Variants in TNKS observed in about 807,000 individuals in gnomAD.
TNKS encodes tankyrase.
A neutral mutation model predicts 135.8 loss-of-function variants in TNKS; 72 were observed. The observed-to-expected ratio is 0.53, with a 90% confidence interval of 0.44 to 0.64. The LOEUF (loss-of-function observed/expected upper bound fraction) is 0.64, where lower values mean the gene tolerates loss of function less well. Ranked by LOEUF, TNKS falls within the 30% of genes least tolerant of loss-of-function variation. The pLI is 0.00. For synonymous variants in TNKS, 849 were observed against 649.3 expected (o/e 1.31, Z -4.68); for missense variants, 1,769 against 1,674.0 (o/e 1.06, Z -0.99).
chr8:9,574,493 C>T (rs1253164690), intron 1 of TNKS, among the ~76,000 whole-genome samples: 1 of 152,190 alleles, frequency 6.6e-6, no homozygotes, highest in Non-Finnish European at 1.5e-5. Flanking sequence ...TCTGATTTTG[C>T]TCTTCACTTG....
intron 2 of TNKS, 103 bp downstream of exon 2, chr8:9,580,486 T>C: frequency 9.8e-7 from 1 of 1,022,624 alleles, no homozygotes; most frequent in Non-Finnish European, 1.4e-6. Flanking sequence ...AAGGGTTTAT[T>C]GCTTCTTGTA....
intron 5 of TNKS, among the ~76,000 whole-genome samples, chr8:9,683,240 AGTTT>A (rs1802857486): frequency 6.6e-6 from 1 of 151,988 alleles, no homozygotes; most frequent in African/African-American, 2.4e-5. Context: ...TGGTTATGTC[AGTTT>A]GTTTTTATTT....
chr8:9,780,372 C>G lies in TNKS; in HGVS notation c.*3636C>G, dbSNP rs1002995636. On this transcript the variant is annotated 3_prime_UTR_variant, in exon 27 of 27. Transcript: ENST00000310430. ...GTTGGACTAATTGTCTCACGTAAAG[C>G]TATAGACCTTACTAATTTGGCAGGT... 1 of 152,186 alleles carries G rather than the reference C, an allele frequency of 6.6e-6. No homozygotes were observed. Among genetic ancestry groups the G allele is most frequent in the African/African-American group, 2.4e-5 (1 of 41,440 alleles). The allele number at this position is 152,186 out of a possible 1,614,324, so 9.4% of individuals were successfully genotyped here. A position where few individuals can be genotyped will look rare whatever the true frequency, so the allele number is the denominator to read the frequency against.
chr8:9,641,442 A>T (rs1800727854), intron 3 of TNKS, among the ~76,000 whole-genome samples: 1 of 145,116 alleles, frequency 6.9e-6, no homozygotes, highest in East Asian at 2.1e-4. Flanking sequence ...TCTCTGCTTC[A>T]TACACTGGAC....
At chr8:9,624,394 A>G (rs1042258624) in intron 3 of TNKS, among the ~76,000 whole-genome samples, 1 of 152,244 alleles carries the variant, frequency 6.6e-6, no homozygotes, top group South Asian at 2.1e-4. Flanking sequence ...AATGGTTACT[A>G]GCTCTGTTCT....
intron 1 of TNKS, among the ~76,000 whole-genome samples, chr8:9,562,080 G>A (rs970121186): frequency 1.1e-4 from 17 of 152,040 alleles, no homozygotes; most frequent in Admixed American, 5.2e-4. Flanking sequence ...GTCTCCCAAA[G>A]TGCTGGGATT....
intron 8 of TNKS, among the ~76,000 whole-genome samples, chr8:9,707,917 A>G (rs1459634869): frequency 6.6e-6 from 1 of 152,218 alleles, no homozygotes; most frequent in Non-Finnish European, 1.5e-5. Flanking sequence ...AGTAGTAGCA[A>G]GAGTAGTGAC....
intron 5 of TNKS, among the ~76,000 whole-genome samples, chr8:9,700,582 C>G (rs549554491): frequency 8.8e-5 from 13 of 148,188 alleles, no homozygotes; most frequent in African/African-American, 3.2e-4. Flanking sequence ...TTATTTCCCT[C>G]TGGGCTCTCC....
intron 3 of TNKS, among the ~76,000 whole-genome samples, chr8:9,677,481 A>G (rs1193917491): frequency 6.6e-6 from 1 of 152,160 alleles, no homozygotes; most frequent in African/African-American, 2.4e-5. Context: ...GTCATGTTTC[A>G]CTACGACTTA....
chr8:9,728,644 T>A (rs1299081573), intron 13 of TNKS, among the ~76,000 whole-genome samples: 5 of 152,210 alleles, frequency 3.3e-5, no homozygotes, highest in Non-Finnish European at 5.9e-5. Flanking sequence ...GCATCTTTTC[T>A]TTTTGATTTA....
At chr8:9,702,960 G>T (rs576070955) in intron 5 of TNKS, among the ~76,000 whole-genome samples, 4 of 152,138 alleles carry the variant, frequency 2.6e-5, no homozygotes, top group Non-Finnish European at 5.9e-5. Context: ...AGGTGGCAGT[G>T]AGCCGAGATC....
intron 5 of TNKS, among the ~76,000 whole-genome samples, chr8:9,701,932 G>A (rs1457905981): frequency 6.6e-6 from 1 of 152,180 alleles, no homozygotes; most frequent in African/African-American, 2.4e-5. Context: ...GAACCACACG[G>A]AAAGATGAGA....
At chr8:9,628,626 C>G (rs1038930136) in intron 3 of TNKS, among the ~76,000 whole-genome samples, 3 of 152,044 alleles carry the variant, frequency 2.0e-5, no homozygotes, top group African/African-American at 7.2e-5. Context: ...GATTTTTACT[C>G]CTCCCCATCT....
At chr8:9,678,830 A>T (rs1054984601) in intron 3 of TNKS, among the ~76,000 whole-genome samples, 3 of 152,176 alleles carry the variant, frequency 2.0e-5, no homozygotes, top group Non-Finnish European at 4.4e-5. Flanking sequence ...CATTTAGTCT[A>T]ATGTTTTATT....
intron 1 of TNKS, among the ~76,000 whole-genome samples, chr8:9,563,821 A>G (rs1193502478): frequency 1.3e-5 from 2 of 152,206 alleles, no homozygotes; most frequent in South Asian, 4.1e-4. Flanking sequence ...CGGGGATGTT[A>G]TTCTCCAAAT....
intron 3 of TNKS, among the ~76,000 whole-genome samples, chr8:9,629,763 A>C (rs1430297988): frequency 6.6e-6 from 1 of 151,990 alleles, no homozygotes; most frequent in Non-Finnish European, 1.5e-5. Context: ...GCTCACTGCA[A>C]CCTCCGCCTC....
intron 3 of TNKS, among the ~76,000 whole-genome samples, chr8:9,644,240 T>G (rs1004950080): frequency 1.3e-5 from 2 of 152,174 alleles, no homozygotes; most frequent in African/African-American, 4.8e-5. Flanking sequence ...CACTGTGTAC[T>G]TAAAAGTGGT....
At chr8:9,644,833 C>A (rs892410401) in intron 3 of TNKS, among the ~76,000 whole-genome samples, 2 of 152,032 alleles carry the variant, frequency 1.3e-5, no homozygotes, top group African/African-American at 2.4e-5. Flanking sequence ...TCTTCAGATG[C>A]CCATACAACC....
Position 9,770,332 on chromosome 8 carries a change from A to G in TNKS, c.3897+70A>G. 2.1e-6 allele frequency: 3 copies of G among 1,458,864 alleles called. No homozygotes were observed. In the South Asian group the frequency reaches 3.9e-5, roughly 19 times the overall value. The allele number at this position is 1,458,864 out of a possible 1,614,324, so 90.4% of individuals were successfully genotyped here. A position where few individuals can be genotyped will look rare whatever the true frequency, so the allele number is the denominator to read the frequency against. On this transcript the variant is annotated intron_variant, in intron 26 of 26. Coordinates refer to ENST00000310430, the MANE Select transcript of TNKS (RefSeq NM_003747.3). ...CAATAGAGCACAGAGACCGTGTAAGACTTGAGACACTTTTCAGTGAAATAT... is the reference window on the plus strand; with the variant it reads ...CAATAGAGCACAGAGACCGTGTAAGGCTTGAGACACTTTTCAGTGAAATAT...
Sources: allele counts gnomAD v4.1 joint callset (sites outside exome capture counted in the v4.1 genomes callset), GRCh38; gene constraint gnomAD v4.1.1; transcripts MANE v1.5; gene names NCBI Gene and HGNC (gene_info 2026-07-23, HGNC 2026-07-21).